The following DSCAM variants were observed in gnomAD, a reference collection of about 807,000 sequenced individuals.
The protein encoded by DSCAM is cell adhesion molecule DSCAM.
Under a neutral mutation model 217.7 loss-of-function variants are expected in DSCAM, and 47 were observed. The ratio of observed to expected loss-of-function variants is 0.22; its 90% CI spans 0.17 to 0.28. The LOEUF is 0.28. Among genes scored for constraint, DSCAM ranks in the 10% least tolerant of loss-of-function variants. DSCAM has a pLI of 1.00. For synonymous variants in DSCAM, 1,056 were observed against 1,015.3 expected, an observed-to-expected ratio of 1.04 and a Z score of -0.76; for missense variants, 2,080 against 2,618.3, an observed-to-expected ratio of 0.79 and a Z score of 4.49.
At chr21:40,180,327 T>G (rs978318631) in intron 14 of DSCAM, among the ~76,000 whole-genome samples, 2 of 152,198 alleles carry the variant, frequency 1.3e-5, no homozygotes, top group Non-Finnish European at 2.9e-5. Flanking sequence ...ATATGTGGCT[T>G]AAAGACTGCT....
At chr21:40,239,955 C>T (rs1036604441) in intron 11 of DSCAM, among the ~76,000 whole-genome samples, 12 of 152,172 alleles carry the variant, frequency 7.9e-5, no homozygotes, top group Non-Finnish European at 1.6e-4. Flanking sequence ...CAGGTCCTGG[C>T]AGGAACACTG....
At chr21:40,796,054 T>C (rs979108306) in intron 1 of DSCAM, among the ~76,000 whole-genome samples, 2 of 152,226 alleles carry the variant, frequency 1.3e-5, no homozygotes, top group African/African-American at 4.8e-5. Context: ...TATTCAATCC[T>C]CAAAACAATC....
intron 1 of DSCAM, among the ~76,000 whole-genome samples, chr21:40,806,358 G>GA (rs2091787179): frequency 1.7e-5 from 2 of 115,304 alleles, no homozygotes; most frequent in South Asian, 7.8e-4. Context: ...CCCTGAAGAT[G>GA]CAAAAAAAAG....
At chr21:40,014,603 C>T (rs1302528553) in intron 32 of DSCAM, among the ~76,000 whole-genome samples, 1 of 152,150 alleles carries the variant, frequency 6.6e-6, no homozygotes, top group South Asian at 2.1e-4. Context: ...TCACTGCAGC[C>T]TTCTCAGAAG....
At chr21:40,446,311 A>G (rs1418675252) in intron 3 of DSCAM, among the ~76,000 whole-genome samples, 1 of 152,124 alleles carries the variant, frequency 6.6e-6, no homozygotes, top group Non-Finnish European at 1.5e-5. Flanking sequence ...TGACTTTGTC[A>G]TCAATCAAGG....
At chr21:40,387,306 A>G (rs925434570) in intron 3 of DSCAM, among the ~76,000 whole-genome samples, 3 of 149,886 alleles carry the variant, frequency 2.0e-5, no homozygotes, top group Admixed American at 1.3e-4. Context: ...TTAGTCCTAC[A>G]CAAGTCCTAC....
At chr21:40,576,540 C>T (rs1394446568) in intron 3 of DSCAM, among the ~76,000 whole-genome samples, 2 of 151,926 alleles carry the variant, frequency 1.3e-5, no homozygotes, top group African/African-American at 4.8e-5. Flanking sequence ...ATGATCAGTG[C>T]CTTTTATTGT....
intron 3 of DSCAM, among the ~76,000 whole-genome samples, chr21:40,682,428 A>G (rs2090412079): frequency 6.6e-6 from 1 of 151,830 alleles, no homozygotes; most frequent in Admixed American, 6.6e-5. Context: ...AGTTGGATAC[A>G]AACCAAAGGA....
intron 27 of DSCAM, among the ~76,000 whole-genome samples, chr21:40,074,562 C>G (rs1301884669): frequency 6.6e-6 from 1 of 152,210 alleles, no homozygotes; most frequent in Non-Finnish European, 1.5e-5. Flanking sequence ...AACTCTTACA[C>G]TGGGCTTCAG....
intron 32 of DSCAM, among the ~76,000 whole-genome samples, chr21:40,020,336 G>C (rs1398942112): frequency 1.3e-5 from 2 of 152,188 alleles, no homozygotes; most frequent in Non-Finnish European, 1.5e-5. Context: ...CAGGCAACAT[G>C]AAAACTAACT....
chr21:40,489,512 C>T lies in DSCAM; in HGVS notation c.509-120267G>A, dbSNP rs1480489528. Among the ~76,000 whole-genome samples the T allele has an allele frequency of 4.6e-5, 7 of 152,186 alleles. No individual in the cohort carries two copies. In the East Asian group the frequency reaches 5.8e-4, roughly 13 times the overall value. On this transcript the variant is annotated intron_variant, in intron 3 of 32. Coordinates refer to ENST00000400454, the MANE Select transcript of DSCAM (RefSeq NM_001389.5). ...AATAAGGGCCGGGCGCGGTGGCTCA[C>T]GCCTGTAATCCCAGCACTTTGGGAG... is the stretch of plus-strand genomic sequence containing the variant.
chr21:40,018,955 T>C lies in DSCAM; in HGVS notation c.5687-5569A>G, dbSNP rs551847930. ...CTAATTAGCTCCCTTCAACAATGTG[T>C]ATTTTCTGATTAGCGTCCAAAGTAG... On this transcript the variant is annotated intron_variant, in intron 32 of 32. Transcript: ENST00000400454. Among the ~76,000 whole-genome samples, 100 of 152,370 alleles carry C rather than the reference T, an allele frequency of 6.6e-4. 2 individuals are homozygous for C. The highest frequency in any genetic ancestry group is 3.9e-3 in the South Asian group (19 of 4,826).
intron 3 of DSCAM, among the ~76,000 whole-genome samples, chr21:40,439,768 A>T (rs1324815686): frequency 6.6e-6 from 1 of 152,228 alleles, no homozygotes; most frequent in Non-Finnish European, 1.5e-5. Flanking sequence ...GCAGGCAAAG[A>T]GAGCTTGTGC....
intron 18 of DSCAM, among the ~76,000 whole-genome samples, chr21:40,139,667 T>C (rs2090264264): frequency 6.6e-6 from 1 of 151,908 alleles, no homozygotes; most frequent in South Asian, 2.1e-4. Context: ...TGTGTACGTG[T>C]GGTGTGGTAT....
At chr21:40,532,498 T>C (rs1243381463) in intron 3 of DSCAM, among the ~76,000 whole-genome samples, 1 of 151,962 alleles carries the variant, frequency 6.6e-6, no homozygotes, top group Non-Finnish European at 1.5e-5. Context: ...GCAGCGGTAA[T>C]GAAAGCTATA....
chr21:40,407,799 G>A (rs1036724090), intron 3 of DSCAM, among the ~76,000 whole-genome samples: 2 of 152,216 alleles, frequency 1.3e-5, no homozygotes, highest in Admixed American at 6.5e-5. Flanking sequence ...CCAGAACCCT[G>A]CTCTGCTTCC....
At chr21:40,257,208 C>CT (rs1388335108) in intron 11 of DSCAM, among the ~76,000 whole-genome samples, 1 of 152,306 alleles carries the variant, frequency 6.6e-6, no homozygotes, top group East Asian at 1.9e-4. Flanking sequence ...GAGTTCAAGA[C>CT]TTTTCATATG....
chr21:40,841,017 G>A (rs117269315), intron 1 of DSCAM, among the ~76,000 whole-genome samples: 1 of 152,196 alleles, frequency 6.6e-6, no homozygotes. Context: ...AGACTATGGA[G>A]GCTCCTGTCT....
intron 3 of DSCAM, among the ~76,000 whole-genome samples, chr21:40,574,862 T>C (rs1041406398): frequency 6.6e-6 from 1 of 152,106 alleles, no homozygotes; most frequent in Non-Finnish European, 1.5e-5. Flanking sequence ...TGCCCGCCCC[T>C]GCACCTGGCT....
Sources: allele counts gnomAD v4.1 joint callset (sites outside exome capture counted in the v4.1 genomes callset), GRCh38; gene constraint gnomAD v4.1.1; transcripts MANE v1.5; gene names NCBI Gene and HGNC (gene_info 2026-07-23, HGNC 2026-07-21).